The following FAM110B variants were observed in gnomAD, a reference collection of about 807,000 sequenced individuals.
FAM110B encodes family with sequence similarity 110 member B.
Under a neutral mutation model 20.4 loss-of-function variants are expected in FAM110B, and 6 were observed. The observed-to-expected ratio is 0.29, with a 90% CI of 0.16 to 0.58. The LOEUF (loss-of-function observed/expected upper bound fraction) is 0.58. FAM110B is among the 20% of genes least tolerant of loss of function. FAM110B has a pLI of 0.90. For synonymous variants in FAM110B, 226 were observed against 214.1 expected (o/e 1.06, Z -0.49); for missense variants, 434 against 498.2 (o/e 0.87, Z 1.23).
intron 3 of FAM110B, chr8:58,091,387 C>T (rs57599317): frequency 0.066 from 10,011 of 152,192 alleles, 631 homozygotes; most frequent in African/African-American, 0.16. Context: ...TGGTCATCAC[C>T]AGGACATTTA....
At chr8:58,074,421 TC>T (rs1444645843) in intron 2 of FAM110B, among the ~76,000 whole-genome samples, 1 of 152,064 alleles carries the variant, frequency 6.6e-6, no homozygotes, top group African/African-American at 2.4e-5. Flanking sequence ...GCACTGCTGC[TC>T]CCCCTGCTGC....
chr8:58,119,572 A>G (rs989784046), intron 3 of FAM110B, among the ~76,000 whole-genome samples: 5 of 152,222 alleles, frequency 3.3e-5, no homozygotes, highest in Admixed American at 6.5e-5. Context: ...AGTGGTGCGT[A>G]AATTTATCCT....
rs527262989 is a variant in FAM110B, at chr8:58,131,274, CT to C, written c.-324-14624del. Among the ~76,000 whole-genome samples, 756 of 151,488 alleles carry C rather than the reference CT, an allele frequency of 5.0e-3. 10 individuals carry two copies. Among genetic ancestry groups the C allele is most frequent in the African/African-American group, 0.017 (687 of 41,298 alleles). ...TGTTGTGTCATTCCCAACATGCTGC[CT>C]TTTTTTTTCTCTGTTGCCCAGGTGG... On this transcript the variant is annotated intron_variant, in intron 3 of 3. Transcript: ENST00000519262.
intron 2 of FAM110B, among the ~76,000 whole-genome samples, chr8:58,041,314 AG>A (rs1805215583): frequency 1.3e-5 from 2 of 152,196 alleles, no homozygotes; most frequent in African/African-American, 4.8e-5. Flanking sequence ...CATTAGTCGC[AG>A]TGTTCGTTCC....
intron 3 of FAM110B, among the ~76,000 whole-genome samples, chr8:58,103,658 C>T (rs1806841694): frequency 6.6e-6 from 1 of 152,134 alleles, no homozygotes; most frequent in Non-Finnish European, 1.5e-5. Context: ...ACATTTCCGG[C>T]ACATCCTGTT....
intron 2 of FAM110B, among the ~76,000 whole-genome samples, chr8:58,062,176 A>G (rs1805670260): frequency 6.6e-6 from 1 of 152,226 alleles, no homozygotes; most frequent in Admixed American, 6.5e-5. Context: ...CTTTGCTATA[A>G]AAGAAGACCA....
intron 2 of FAM110B, among the ~76,000 whole-genome samples, chr8:58,045,285 T>C (rs908957601): frequency 6.6e-6 from 1 of 152,150 alleles, no homozygotes; most frequent in Non-Finnish European, 1.5e-5. Context: ...ATAACCACAC[T>C]CTCTCTCGCT....
chr8:57,997,321 A>G (rs1209747959), intron 1 of FAM110B, among the ~76,000 whole-genome samples: 1 of 152,194 alleles, frequency 6.6e-6, no homozygotes, highest in Admixed American at 6.5e-5. Flanking sequence ...TTAAATTTGT[A>G]CTTTATATGT....
chr8:58,062,888 A>C (rs1160223206), intron 2 of FAM110B, among the ~76,000 whole-genome samples: 3 of 152,226 alleles, frequency 2.0e-5, no homozygotes, highest in Non-Finnish European at 2.9e-5. Flanking sequence ...CCAAATAACC[A>C]AGGAATGAAA....
intron 3 of FAM110B, among the ~76,000 whole-genome samples, chr8:58,092,290 G>T (rs1806500896): frequency 6.6e-6 from 1 of 151,992 alleles, no homozygotes; most frequent in Non-Finnish European, 1.5e-5. Context: ...TACATGTGCA[G>T]AATGTGCGGG....
chr8:58,144,571 T>C (rs768755904), intron 3 of FAM110B, among the ~76,000 whole-genome samples: 9 of 152,216 alleles, frequency 5.9e-5, no homozygotes, highest in Non-Finnish European at 1.0e-4. Context: ...AACATGGTGA[T>C]GGGTTGCATT....
chr8:58,036,274 C>T (rs1171618875), intron 2 of FAM110B, among the ~76,000 whole-genome samples: 2 of 152,156 alleles, frequency 1.3e-5, no homozygotes, highest in Non-Finnish European at 2.9e-5. Context: ...TGGCAGAGAA[C>T]AGTATTACGC....
At chr8:58,006,771 T>G (rs1018356072) in intron 1 of FAM110B, among the ~76,000 whole-genome samples, 6 of 151,122 alleles carry the variant, frequency 4.0e-5, no homozygotes, top group African/African-American at 1.5e-4. Flanking sequence ...CCTGGCTAAT[T>G]TTTGTGTTTT....
At chr8:58,005,597 A>G (rs1804387589) in intron 1 of FAM110B, among the ~76,000 whole-genome samples, 2 of 152,212 alleles carry the variant, frequency 1.3e-5, no homozygotes, top group Non-Finnish European at 2.9e-5. Flanking sequence ...TTCCATGGTG[A>G]ACATTGTCTA....
intron 1 of FAM110B, among the ~76,000 whole-genome samples, chr8:58,009,317 A>C (rs554465947): frequency 5.9e-5 from 9 of 152,286 alleles, no homozygotes; most frequent in Admixed American, 1.3e-4. Context: ...GAGAACACAA[A>C]AGGCACTGGG....
chr8:58,086,007 T>C (rs936991019), intron 3 of FAM110B, among the ~76,000 whole-genome samples: 4 of 152,232 alleles, frequency 2.6e-5, no homozygotes, highest in Non-Finnish European at 4.4e-5. Context: ...TAAAACTCCT[T>C]ACGACCTCAA....
At chr8:58,094,156 G>A (rs1477589367) in intron 3 of FAM110B, among the ~76,000 whole-genome samples, 2 of 152,152 alleles carry the variant, frequency 1.3e-5, no homozygotes, top group Admixed American at 6.5e-5. Context: ...GGGCTGAGAC[G>A]ATGGTGTTTT....
At chr8:58,094,882 T>G (rs57239755) in intron 3 of FAM110B, among the ~76,000 whole-genome samples, 2 of 151,922 alleles carry the variant, frequency 1.3e-5, no homozygotes, top group Non-Finnish European at 2.9e-5. Flanking sequence ...TTGTCTTGGA[T>G]TTTTTTTGGT....
At chr8:58,083,224 A>C (rs890571385) in intron 3 of FAM110B, among the ~76,000 whole-genome samples, 1 of 152,166 alleles carries the variant, frequency 6.6e-6, no homozygotes, top group East Asian at 1.9e-4. Flanking sequence ...GGGGAGACAC[A>C]GTCTATTGCT....
Sources: gnomAD v4.1 joint callset for allele counts (sites outside exome capture counted in the v4.1 genomes callset) on GRCh38, gnomAD v4.1.1 for gene constraint, MANE v1.5 for transcripts, NCBI Gene and HGNC (gene_info 2026-07-23, HGNC 2026-07-21) for gene names.